Variants in METTL9 observed in about 807,000 individuals in gnomAD.
The protein encoded by METTL9 is protein-L-histidine N-pros-methyltransferase.
METTL9 carries 10 observed loss-of-function variants against 36.0 expected under a neutral mutation model. The ratio of observed to expected loss-of-function variants is 0.28; its 90% CI spans 0.17 to 0.47. The LOEUF is 0.47. METTL9 is among the 20% of genes least tolerant of loss of function. The probability of loss-of-function intolerance (pLI) is 0.99; values close to 1 mark genes in which losing one functional copy is unlikely to be tolerated. For missense variants in METTL9, 246 were observed against 383.5 expected, an observed-to-expected ratio of 0.64 and a Z score of 3.00; for synonymous variants, 175 against 149.7, an observed-to-expected ratio of 1.17 and a Z score of -1.23.
In METTL9 at chr16:21,654,986, T is replaced by TA. The variant is rs1966670046; in HGVS notation, c.752-240dup. ...CCTTGGATCCAGACAAACCTGGGCT[T>TA]ACATTTCCATACTGACACTCATTAA... is the stretch of plus-strand genomic sequence containing the variant. On this transcript the variant is annotated intron_variant, in intron 4 of 4. Coordinates refer to ENST00000358154, the MANE Select transcript of METTL9 (RefSeq NM_016025.5). 5.7e-6 allele frequency: 3 copies of TA among 526,394 alleles called. 1 individual carries two copies. The East Asian group carries it at 9.7e-5, about 17-fold the overall frequency. The allele number at this position is 526,394 out of a possible 1,614,324, so 32.6% of individuals were successfully genotyped here. A position where few individuals can be genotyped will look rare whatever the true frequency, so the allele number is the denominator to read the frequency against.
At chr16:21,647,112 A>G in intron 4 of METTL9, 1 of 1,614,100 alleles carries the variant, frequency 6.2e-7, no homozygotes, top group African/African-American at 1.3e-5. Flanking sequence ...GATGCACTGA[A>G]ATAAAGCCTC....
At chr16:21,647,406 T>C in intron 4 of METTL9, 1 of 1,614,006 alleles carries the variant, frequency 6.2e-7, no homozygotes, top group Non-Finnish European at 8.5e-7. Context: ...GCGGAGAAGG[T>C]ACACTTTATG....
chr16:21,627,820 G>C (rs1455706453), intron 4 of METTL9, among the ~76,000 whole-genome samples: 1 of 152,078 alleles, frequency 6.6e-6, no homozygotes, highest in Admixed American at 6.5e-5. Context: ...GGGTGTGGTG[G>C]TGGGCGCCTG....
At chr16:21,610,134 C>T (rs1262764645) in intron 1 of METTL9, among the ~76,000 whole-genome samples, 1 of 152,208 alleles carries the variant, frequency 6.6e-6, no homozygotes, top group Non-Finnish European at 1.5e-5. Flanking sequence ...TGTCCATTAG[C>T]AGCCACTCCA....
Position 21,599,810 on chromosome 16 carries a change from G to T in METTL9, c.77G>T (p.Ser26Ile). The change falls in exon 1 of 5, where the codon AGC (serine) becomes ATC (isoleucine). Residue 26 changes from serine (S) to isoleucine (I), a missense_variant. Physicochemically the swap from Ser to Ile is moderately radical, Grantham distance 142. Transcript: ENST00000358154. The surrounding 1 kb of genome is among the most constrained non-coding windows in gnomAD (Gnocchi z 4.4). ...GCGCGGAGGATGTGGACGCTGCGGA[G>T]CCCGCTCACCCGCTCCCTGTACGTG... Reference protein sequence around the residue: ...WLARRMWTLRSPLTRSLYVNM... With the variant: ...WLARRMWTLRIPLTRSLYVNM... 1 of 1,548,136 alleles carries T rather than the reference G, an allele frequency of 6.5e-7. No individual in the cohort carries two copies. Among genetic ancestry groups the T allele is most frequent in the South Asian group, 1.2e-5 (1 of 84,382 alleles).
intron 1 of METTL9, among the ~76,000 whole-genome samples, chr16:21,606,303 C>G (rs376315457): frequency 6.6e-6 from 1 of 152,148 alleles, no homozygotes; most frequent in South Asian, 2.1e-4. Flanking sequence ...CGCCACTGCA[C>G]TCCAGCCTGA....
chr16:21,653,790 A>G (rs8054825), intron 4 of METTL9: 145,637 of 152,348 alleles, frequency 0.96, 69,661 homozygotes, highest in East Asian at 1. Flanking sequence ...ATTCCAGGGC[A>G]TGGGCAAGTG....
chr16:21,629,661 C>T (rs967995710), intron 4 of METTL9, among the ~76,000 whole-genome samples: 14 of 152,090 alleles, frequency 9.2e-5, no homozygotes, highest in African/African-American at 2.9e-4. Context: ...TGGCACGGAC[C>T]CAAAGCGTGA....
intron 2 of METTL9, among the ~76,000 whole-genome samples, chr16:21,613,265 C>G (rs1423925421): frequency 6.9e-6 from 1 of 144,962 alleles, no homozygotes; most frequent in African/African-American, 2.6e-5. Flanking sequence ...CTCACTGCAG[C>G]CTCCGCCTCC....
At chr16:21,599,557 A>C, upstream of METTL9, 1 of 1,283,728 alleles carries the variant, frequency 7.8e-7, no homozygotes, top group Non-Finnish European at 9.8e-7. This position sits in a 1 kb window ranked among gnomAD's most constrained non-coding sequence, Gnocchi z 4.4. Flanking sequence ...GGAGGTGCCG[A>C]GGCTGCGCGC....
chr16:21,606,175 A>C lies in METTL9; in HGVS notation c.165+6277A>C, dbSNP rs554976971. Reference sequence around the variant, plus strand: ...CAGGGTGAAACCTGGTCTCTACTAAAAATACAAAAAAATTAGCTGGGCGTG... The same window carrying C: ...CAGGGTGAAACCTGGTCTCTACTAACAATACAAAAAAATTAGCTGGGCGTG... On this transcript the variant is annotated intron_variant, in intron 1 of 4. Coordinates refer to ENST00000358154, the MANE Select transcript of METTL9 (RefSeq NM_016025.5). Among the ~76,000 whole-genome samples the C allele has an allele frequency of 4.6e-5, 7 of 152,142 alleles. No homozygotes were observed. The South Asian group carries it at 1.0e-3, about 23-fold the overall frequency.
At chr16:21,618,414 T>TAC (rs534953442) in intron 3 of METTL9, among the ~76,000 whole-genome samples, 61 of 152,316 alleles carry the variant, frequency 4.0e-4, no homozygotes, top group African/African-American at 1.4e-3. Context: ...TTTTTAAGTG[T>TAC]ACAGTTCAGT....
upstream of METTL9, chr16:21,599,568 CG>C: frequency 7.8e-7 from 1 of 1,286,114 alleles, no homozygotes; most frequent in Admixed American, 4.3e-5. The surrounding 1 kb of genome is among the most constrained non-coding windows in gnomAD (Gnocchi z 4.4). Context: ...GGCTGCGCGC[CG>C]GCTGCTCCTC....
At chr16:21,644,934 C>T (rs1007790953) in intron 4 of METTL9, among the ~76,000 whole-genome samples, 6 of 152,230 alleles carry the variant, frequency 3.9e-5, no homozygotes, top group Non-Finnish European at 8.8e-5. Context: ...GAAAGACAGG[C>T]ACTTTTGCCA....
At chr16:21,621,607 GT>G (rs1965695705) in intron 3 of METTL9, among the ~76,000 whole-genome samples, 1 of 152,048 alleles carries the variant, frequency 6.6e-6, no homozygotes, top group East Asian at 1.9e-4. Context: ...GATTATAGGT[GT>G]GAGTCACTGC....
intron 1 of METTL9, among the ~76,000 whole-genome samples, chr16:21,610,328 T>G (rs1164912532): frequency 6.6e-6 from 1 of 152,250 alleles, no homozygotes; most frequent in Non-Finnish European, 1.5e-5. Flanking sequence ...AAGCAGTGCT[T>G]CATTCCTTTG....
intron 1 of METTL9, among the ~76,000 whole-genome samples, chr16:21,607,847 C>T (rs547690993): frequency 6.6e-6 from 1 of 152,130 alleles, no homozygotes; most frequent in Admixed American, 6.5e-5. Flanking sequence ...AAGGAGCACA[C>T]ATTTAAAGAA....
chr16:21,630,277 G>A (rs1184967303), intron 4 of METTL9, among the ~76,000 whole-genome samples: 1 of 152,190 alleles, frequency 6.6e-6, no homozygotes, highest in African/African-American at 2.4e-5. Flanking sequence ...CAAGTGCGGG[G>A]CCTGCCGAGC....
At chr16:21,624,583 C>T (rs1034264229) in intron 3 of METTL9, among the ~76,000 whole-genome samples, 2 of 151,856 alleles carry the variant, frequency 1.3e-5, no homozygotes, top group African/African-American at 2.4e-5. Flanking sequence ...AAAAATTAGC[C>T]GGGCATGGTG....
Sources: gnomAD v4.1 joint callset for allele counts (sites outside exome capture counted in the v4.1 genomes callset) on GRCh38, gnomAD v4.1.1 for gene constraint, Gnocchi (gnomAD v3.1) non-coding constraint, MANE v1.5 for transcripts, NCBI Gene and HGNC (gene_info 2026-07-23, HGNC 2026-07-21) for gene names.